USP6: variants seen among roughly 807,000 people sequenced by gnomAD.
USP6 encodes the protein ubiquitin specific peptidase 6, also known as ubiquitin carboxyl-terminal hydrolase 6.
A neutral mutation model predicts 175.7 loss-of-function variants in USP6; 128 were observed. The ratio of observed to expected loss-of-function variants is 0.73; its 90% CI spans 0.63 to 0.84. USP6 has a LOEUF of 0.84. Ranked by LOEUF, USP6 falls within the 40% of genes least tolerant of loss-of-function variation. USP6 has a pLI of 0.00. For synonymous variants in USP6, 562 were observed against 630.6 expected (o/e 0.89, Z 1.63); for missense variants, 1,498 against 1,760.3 (o/e 0.85, Z 2.67).
chr17:5,131,946 T>A lies in USP6; in HGVS notation c.156-450T>A, dbSNP rs368190034. Among the ~76,000 whole-genome samples, 37 of 152,180 alleles carry A rather than the reference T, an allele frequency of 2.4e-4. No individual in the cohort carries two copies. The East Asian group carries it at 3.5e-3, about 14-fold the overall frequency. ...GCTGTCAAGTGGGATGGGCCCTTAGTGCACCCAGAGTATACCGGGAAGGTC... is the reference window on the plus strand; with the variant it reads ...GCTGTCAAGTGGGATGGGCCCTTAGAGCACCCAGAGTATACCGGGAAGGTC... On this transcript the variant is annotated intron_variant, in intron 11 of 37. Transcript: ENST00000574788.
At chr17:5,135,107 TGAA>T in intron 15 of USP6, 124 bp from the exon 16 acceptor site, 2 of 1,071,606 alleles carry the variant, frequency 1.9e-6, no homozygotes, top group South Asian at 2.5e-5. Context: ...TCTCAGGCCC[TGAA>T]GAGCTCACTG....
intron 16 of USP6, 35 bp from the exon 17 acceptor site, chr17:5,135,773 G>T (rs201422236): frequency 6.3e-7 from 1 of 1,597,356 alleles, no homozygotes; most frequent in Non-Finnish European, 8.5e-7. Context: ...GCCCTCCCAG[G>T]TGATGTCCTT....
intron 4 of USP6, among the ~76,000 whole-genome samples, chr17:5,123,896 C>T (rs558796998): frequency 6.1e-4 from 88 of 145,142 alleles, no homozygotes; most frequent in Non-Finnish European, 1.1e-3. Flanking sequence ...CGCGCAAGCA[C>T]GCACGTGCGC....
chr17:5,125,705 C>G (rs1303509554), intron 5 of USP6, 116 bp from the exon 6 acceptor site: 1 of 152,224 alleles, frequency 6.6e-6, no homozygotes, highest in Non-Finnish European at 1.5e-5. Context: ...CACACACACA[C>G]ACACACACAC....
chr17:5,144,496 C>T (rs2073550679), intron 25 of USP6, among the ~76,000 whole-genome samples, 194 bp from the exon 26 acceptor site: 1 of 144,868 alleles, frequency 6.9e-6, no homozygotes, highest in Non-Finnish European at 1.5e-5. Flanking sequence ...AAATACTTCT[C>T]TTTTTTTTTT....
intron 14 of USP6, among the ~76,000 whole-genome samples, 153 bp downstream of exon 14, chr17:5,133,703 G>C (rs2073155394): frequency 6.6e-6 from 1 of 152,062 alleles, no homozygotes; most frequent in Non-Finnish European, 1.5e-5. Flanking sequence ...AGTCACCACA[G>C]ACAAACTCGG....
In USP6 at chr17:5,146,096, A is replaced by G. The variant is rs750165849; in HGVS notation, c.2241A>G (p.Leu747=). The part of the protein sequence containing the change: ...RLNMDEKYTG[L]KKQLRDLCGL... ...ATATGGATGAAAAGTACACAGGTTT[A>G]AAAAAACAGCTGAGGGATCTCTGTG... The change falls in exon 28 of 38, where the codon TTA becomes TTG. Residue 747 remains leucine (L), a synonymous_variant. Coordinates refer to ENST00000574788, the MANE Select transcript of USP6 (RefSeq NM_001304284.2). 4.3e-6 allele frequency: 7 copies of G among 1,613,136 alleles called. No individual in the cohort carries two copies. The highest frequency in any genetic ancestry group is 5.9e-6 in the Non-Finnish European group (7 of 1,179,396).
chr17:5,122,149 GT>G (rs2072692232), intron 4 of USP6, among the ~76,000 whole-genome samples: 1 of 151,812 alleles, frequency 6.6e-6, no homozygotes, highest in Admixed American at 6.6e-5. Context: ...GGTCGGTGGG[GT>G]GGCAGGGGAA....
At chr17:5,155,687 G>A in intron 31 of USP6, 81 bp downstream of exon 31, 1 of 1,324,216 alleles carries the variant, frequency 7.6e-7, no homozygotes, top group Non-Finnish European at 9.9e-7. Context: ...TGACAGATAG[G>A]GCCCAGCCCA....
chr17:5,149,541 G>A (rs1387941789), intron 30 of USP6, among the ~76,000 whole-genome samples: 1 of 152,032 alleles, frequency 6.6e-6, no homozygotes, highest in Non-Finnish European at 1.5e-5. Flanking sequence ...ACTCCAACCT[G>A]GGCAATAAGT....
In USP6 at chr17:5,172,802, C is replaced by T; in HGVS notation, c.4048-3C>T. ...TTGTTAAAGGTTTTTCTTGCCCTTT[C>T]AGGAACTTCACCCTGATGAAATTGA... On this transcript the variant is annotated splice_region_variant and splice_polypyrimidine_tract_variant and intron_variant, in intron 37 of 37. Coordinates refer to ENST00000574788, the MANE Select transcript of USP6 (RefSeq NM_001304284.2). 1.2e-6 allele frequency: 2 copies of T among 1,612,980 alleles called. No homozygotes were observed. Among genetic ancestry groups the T allele is most frequent in the Non-Finnish European group, 1.7e-6 (2 of 1,179,796 alleles).
intron 32 of USP6, among the ~76,000 whole-genome samples, 193 bp from the exon 33 acceptor site, chr17:5,162,691 A>G (rs1347768349): frequency 2.0e-5 from 3 of 152,220 alleles, no homozygotes; most frequent in African/African-American, 7.2e-5. Context: ...AGTGAAAAGC[A>G]TGATTCCCTG....
chr17:5,141,623 C>G, intron 23 of USP6, 124 bp downstream of exon 23: 1 of 828,522 alleles, frequency 1.2e-6, no homozygotes, highest in Non-Finnish European at 1.8e-6. Flanking sequence ...CCTTCTTTTT[C>G]TTTTTTCCTG....
In USP6 at chr17:5,174,938, C is replaced by A. The variant is rs1038590072; in HGVS notation, c.*1960C>A. On this transcript the variant is annotated 3_prime_UTR_variant, in exon 38 of 38. Transcript: ENST00000574788. ...TATTGGTAATTGTATATGGGGTGTA[C>A]CTGTTTATCTGTTAACTATTATCCA... 5 of 190,030 alleles carry A rather than the reference C, an allele frequency of 2.6e-5. No homozygotes were observed. Among genetic ancestry groups the A allele is most frequent in the African/African-American group, 1.2e-4 (5 of 42,870 alleles). 11.8% of individuals were successfully genotyped at this position (190,030 alleles called of 1,614,324 possible).
At chr17:5,133,660 T>G (rs932405822) in intron 14 of USP6, 110 bp downstream of exon 14, 3 of 1,186,750 alleles carry the variant, frequency 2.5e-6, no homozygotes, top group Admixed American at 1.9e-5. Flanking sequence ...GAGGGGATGG[T>G]TAGATGCACA....
chr17:5,168,965 G>A lies in USP6; in HGVS notation c.3427G>A (p.Val1143Met). Residue 1143 changes from valine to methionine, a missense_variant, in exon 35 of 38, where the codon GTG (valine) becomes ATG (methionine). Val to Met is a conservative substitution (Grantham distance 21, BLOSUM62 1). Coordinates refer to ENST00000574788, the MANE Select transcript of USP6 (RefSeq NM_001304284.2). Reference sequence around the variant, plus strand: ...GATTCTGGCAAGAGAGGTGAAGAAAGTGGATGCGCAGAGTTCGGCTGGAAA... The same window carrying A: ...GATTCTGGCAAGAGAGGTGAAGAAAATGGATGCGCAGAGTTCGGCTGGAAA... Reference protein sequence around the residue: ...PRILAREVKKVDAQSSAGKED... With the variant: ...PRILAREVKKMDAQSSAGKED... The A allele has an allele frequency of 1.2e-6, 2 of 1,614,024 alleles. No homozygotes were observed. The highest frequency in any genetic ancestry group is 1.7e-6 in the Non-Finnish European group (2 of 1,179,882).
At position 5,130,389 on chromosome 17, in the gene USP6, G is replaced by C. The variant is rs1318220153; in HGVS notation, c.22G>C (p.Asp8His). ...CAGGATGGACATGGTAGAGAATGCA[G>C]ATAGTTTGCAGGCACAGGAGCGGAA... MDMVENA[D>H]SLQAQERKDI... Residue 8 changes from aspartate (D) to histidine (H), a missense_variant, in exon 10 of 38, where the codon GAT becomes CAT. Coordinates refer to ENST00000574788, the MANE Select transcript of USP6 (RefSeq NM_001304284.2). The C allele has an allele frequency of 6.2e-7, 1 of 1,614,176 alleles. No homozygotes were observed. Among genetic ancestry groups the C allele is most frequent in the South Asian group, 1.1e-5 (1 of 91,074 alleles).
rs980003763 is a variant in USP6, at chr17:5,174,791, A to G, written c.*1813A>G. 1 of 198,640 alleles carries G rather than the reference A, an allele frequency of 5.0e-6. No individual in the cohort carries two copies. The highest frequency in any genetic ancestry group is 1.0e-5 in the Non-Finnish European group (1 of 95,898). 12.3% of individuals were successfully genotyped at this position (198,640 alleles called of 1,614,324 possible). The stretch of plus-strand genomic sequence containing the variant: ...ATTAAATTAACTATTAACTACATTC[A>G]CCTTGTAAATTACTGTATAAAACTT... On this transcript the variant is annotated 3_prime_UTR_variant, in exon 38 of 38. Transcript: ENST00000574788.
At chr17:5,169,430 ATTTAT>A (rs1173914211) in intron 35 of USP6, among the ~76,000 whole-genome samples, 2 of 151,808 alleles carry the variant, frequency 1.3e-5, no homozygotes, top group Non-Finnish European at 2.9e-5. Flanking sequence ...TTTTTTATTT[ATTTAT>A]TTTATTTTTT....
Sources: allele counts gnomAD v4.1 joint callset (sites outside exome capture counted in the v4.1 genomes callset), GRCh38; gene constraint gnomAD v4.1.1; transcripts MANE v1.5; gene names NCBI Gene and HGNC (gene_info 2026-07-23, HGNC 2026-07-21).